PHIP: variants seen among roughly 807,000 people sequenced by gnomAD.
The protein encoded by PHIP is PHIP subunit of CUL4-Ring ligase complex.
A neutral mutation model predicts 236.8 loss-of-function variants in PHIP; 54 were observed. That is an observed-to-expected ratio of 0.23 (90% CI 0.18 to 0.29). The LOEUF (loss-of-function observed/expected upper bound fraction) is 0.29, where lower values mean the gene tolerates loss of function less well. Ranked by LOEUF, PHIP falls within the 10% of genes least tolerant of loss-of-function variation. The pLI is 1.00. For missense variants in PHIP, 1,370 were observed against 2,190.8 expected (o/e 0.63, Z 7.48); for synonymous variants, 756 against 718.9 (o/e 1.05, Z -0.83).
intron 36 of PHIP, among the ~76,000 whole-genome samples, chr6:78,947,189 C>G (rs994740730): frequency 2.0e-5 from 3 of 152,122 alleles, no homozygotes; most frequent in Admixed American, 6.6e-5. Flanking sequence ...AATGTTTGAA[C>G]CTGTTTTCTA....
At chr6:79,009,579 AG>A (rs1175542784) in intron 15 of PHIP, among the ~76,000 whole-genome samples, 1 of 152,086 alleles carries the variant, frequency 6.6e-6, no homozygotes, top group Non-Finnish European at 1.5e-5. Context: ...CTGACTAAAA[AG>A]ACCACGTCTT....
chr6:79,036,593 A>G (rs1771944421), intron 7 of PHIP, among the ~76,000 whole-genome samples: 1 of 151,862 alleles, frequency 6.6e-6, no homozygotes, highest in South Asian at 2.1e-4. Flanking sequence ...TACACACATA[A>G]CTCCATTACC....
At chr6:79,059,741 G>A (rs1773271161) in intron 6 of PHIP, among the ~76,000 whole-genome samples, 1 of 151,286 alleles carries the variant, frequency 6.6e-6, no homozygotes, top group Admixed American at 6.6e-5. Flanking sequence ...TCCTGGCTAG[G>A]CAGGAACATG....
chr6:78,991,870 T>G (rs910191846), intron 19 of PHIP, among the ~76,000 whole-genome samples: 1 of 151,994 alleles, frequency 6.6e-6, no homozygotes, highest in Non-Finnish European at 1.5e-5. Context: ...TTTTTTAAAT[T>G]AAACTTTTTA....
chr6:78,972,034 A>G (rs1348149144), intron 24 of PHIP, among the ~76,000 whole-genome samples: 2 of 152,118 alleles, frequency 1.3e-5, no homozygotes, highest in South Asian at 2.1e-4. Context: ...CCACAGCTCA[A>G]GGAGGCCTGC....
intron 19 of PHIP, among the ~76,000 whole-genome samples, chr6:78,993,208 A>C (rs1208003361): frequency 2.6e-5 from 4 of 152,248 alleles, no homozygotes; most frequent in African/African-American, 9.6e-5. Context: ...GAAAAGTTGG[A>C]AGCTAGCAGA....
intron 24 of PHIP, among the ~76,000 whole-genome samples, chr6:78,972,910 A>T (rs968010094): frequency 6.6e-6 from 1 of 152,196 alleles, no homozygotes; most frequent in Non-Finnish European, 1.5e-5. Flanking sequence ...TGATTGGTGT[A>T]CCTGAAAGTG....
At chr6:79,017,230 T>A (rs1770877831) in intron 12 of PHIP, 116 bp downstream of exon 12, 1 of 610,622 alleles carries the variant, frequency 1.6e-6, no homozygotes, top group Admixed American at 3.3e-5. Context: ...GTATAACTGG[T>A]CAAGATCTTT....
intron 6 of PHIP, among the ~76,000 whole-genome samples, chr6:79,048,874 A>G (rs1421115074): frequency 2.0e-5 from 3 of 152,114 alleles, no homozygotes; most frequent in African/African-American, 7.2e-5. Context: ...AGATTCTAAA[A>G]CCTGGAGAAC....
intron 39 of PHIP, among the ~76,000 whole-genome samples, chr6:78,943,910 G>A (rs562845365): frequency 2.0e-5 from 3 of 149,908 alleles, no homozygotes; most frequent in East Asian, 2.0e-4. Context: ...TGCTTGAACC[G>A]GCAAGGCAGA....
Position 79,074,019 on chromosome 6 carries a change from TA to T in PHIP, c.189+3428del, listed in dbSNP as rs756118470. The stretch of plus-strand genomic sequence containing the variant: ...CAATCCACTTATTTTTCAAATGAGA[TA>T]ACTGGGACAAAGAGAAATTCCATGA... On this transcript the variant is annotated intron_variant, in intron 4 of 39. Transcript: ENST00000275034. Among the ~76,000 whole-genome samples the T allele has an allele frequency of 7.9e-5, 12 of 152,278 alleles. 1 individual carries two copies. Among genetic ancestry groups the T allele is most frequent in the Admixed American group, 4.6e-4 (7 of 15,304 alleles).
chr6:78,974,726 C>G (rs1767914035), intron 24 of PHIP, among the ~76,000 whole-genome samples: 1 of 152,086 alleles, frequency 6.6e-6, no homozygotes, highest in Non-Finnish European at 1.5e-5. Flanking sequence ...AAACTACCAT[C>G]AGAGAATACT....
intron 4 of PHIP, 47 bp downstream of exon 4, chr6:79,077,401 T>A (rs1391220697): frequency 1.3e-6 from 2 of 1,502,312 alleles, no homozygotes; most frequent in Admixed American, 1.7e-5. Flanking sequence ...TCAATTTTTA[T>A]TCGACTCAGG....
intron 6 of PHIP, among the ~76,000 whole-genome samples, chr6:79,043,345 C>G (rs189609061): frequency 6.6e-6 from 1 of 152,026 alleles, no homozygotes; most frequent in Non-Finnish European, 1.5e-5. Flanking sequence ...TATGTTATTT[C>G]CTTAAAAGCT....
intron 29 of PHIP, among the ~76,000 whole-genome samples, chr6:78,963,595 T>A (rs1047851753): frequency 1.3e-5 from 2 of 152,184 alleles, no homozygotes; most frequent in African/African-American, 4.8e-5. Context: ...TTTGATAAAG[T>A]ATACACAAGG....
intron 15 of PHIP, among the ~76,000 whole-genome samples, chr6:79,011,641 G>C (rs1770582579): frequency 1.3e-5 from 2 of 151,636 alleles, no homozygotes; most frequent in South Asian, 2.1e-4. Flanking sequence ...TTTTATCATT[G>C]AGATCCTCTA....
intron 7 of PHIP, among the ~76,000 whole-genome samples, chr6:79,042,635 CTG>C (rs1195699884): frequency 6.6e-6 from 1 of 151,944 alleles, no homozygotes; most frequent in Non-Finnish European, 1.5e-5. Context: ...ATAACTGTGA[CTG>C]TGCTGCAACA....
At chr6:78,975,883 A>G (rs1389210105) in intron 24 of PHIP, among the ~76,000 whole-genome samples, 1 of 149,838 alleles carries the variant, frequency 6.7e-6, no homozygotes, top group Non-Finnish European at 1.5e-5. Flanking sequence ...GAGGATACAA[A>G]CAAATGGAAG....
At chr6:79,010,629 G>A (rs1275948816) in intron 15 of PHIP, among the ~76,000 whole-genome samples, 1 of 151,772 alleles carries the variant, frequency 6.6e-6, no homozygotes, top group Non-Finnish European at 1.5e-5. Flanking sequence ...GACAGAAATA[G>A]AAAGATATGG....
Sources: allele counts gnomAD v4.1 joint callset (sites outside exome capture counted in the v4.1 genomes callset), GRCh38; gene constraint gnomAD v4.1.1; transcripts MANE v1.5; gene names NCBI Gene and HGNC (gene_info 2026-07-23, HGNC 2026-07-21).